TTLL5: variants seen among roughly 807,000 people sequenced by gnomAD.
TTLL5 encodes tubulin polyglutamylase TTLL5.
In TTLL5, 132 loss-of-function variants were observed where a neutral mutation model predicts 168.4. The observed-to-expected ratio is 0.78, with a 90% CI of 0.68 to 0.91. The LOEUF is 0.91. TTLL5 is among the 40% of genes least tolerant of loss of function. The pLI, the probability that TTLL5 is intolerant of heterozygous loss-of-function variation, is 0.00. For synonymous variants in TTLL5, 546 were observed against 558.6 expected (o/e 0.98, Z 0.32); for missense variants, 1,545 against 1,581.5 (o/e 0.98, Z 0.39).
intron 5 of TTLL5, among the ~76,000 whole-genome samples, chr14:75,685,981 C>G (rs1208202527): frequency 6.6e-6 from 1 of 152,130 alleles, no homozygotes; most frequent in East Asian, 1.9e-4. Context: ...TTAGGAAGTT[C>G]TCTAGGTGAT....
intron 31 of TTLL5, chr14:75,904,266 G>C (rs918530777): frequency 9.0e-7 from 1 of 1,111,734 alleles, no homozygotes; most frequent in Admixed American, 4.5e-5. Context: ...ATATTTTTAA[G>C]AAAGTAAACC....
rs148843544 is a variant in TTLL5 at position 75,882,705 on chromosome 14, A to T, written c.3543A>T (p.Thr1181=). ...ARHQAIFGSQ[T]LPNSNLWTMN... ...TGTAGGCAATCTTTGGCAGCCAGAC[A>T]CTACCTAACTCCAATTTATGGACAA... is the stretch of plus-strand genomic sequence containing the variant. Residue 1181 remains threonine, a synonymous_variant, in exon 30 of 32, where the codon ACA becomes ACT. Transcript: ENST00000298832. 1.4e-5 allele frequency: 22 copies of T among 1,610,998 alleles called. No individual in the cohort carries two copies. Among genetic ancestry groups the T allele is most frequent in the Non-Finnish European group, 1.9e-5 (22 of 1,178,592 alleles).
At chr14:75,715,302 C>T (rs1319929672) in intron 9 of TTLL5, among the ~76,000 whole-genome samples, 3 of 139,954 alleles carry the variant, frequency 2.1e-5, no homozygotes, top group Non-Finnish European at 4.6e-5. Flanking sequence ...TCACCATCTT[C>T]CTCATGTGGG....
chr14:75,942,643 A>G (rs1301963451), intron 31 of TTLL5, among the ~76,000 whole-genome samples: 4 of 152,208 alleles, frequency 2.6e-5, no homozygotes, highest in African/African-American at 9.7e-5. Flanking sequence ...CTTGGCTTCA[A>G]TGGTTCTTCA....
chr14:75,852,245 G>C (rs1896897772), intron 28 of TTLL5, among the ~76,000 whole-genome samples: 1 of 152,148 alleles, frequency 6.6e-6, no homozygotes, highest in South Asian at 2.1e-4. Context: ...AGAGTGCAAG[G>C]CCTCCTGAAT....
chr14:75,899,186 A>T (rs954219847), intron 30 of TTLL5, among the ~76,000 whole-genome samples: 8 of 152,378 alleles, frequency 5.3e-5, no homozygotes, highest in Non-Finnish European at 1.2e-4. Context: ...TCAAAAGCCT[A>T]TAAGGTAGGT....
At chr14:75,880,778 G>A (rs1323019668) in intron 29 of TTLL5, among the ~76,000 whole-genome samples, 1 of 152,180 alleles carries the variant, frequency 6.6e-6, no homozygotes, top group African/African-American at 2.4e-5. Flanking sequence ...TTGGTTCCTT[G>A]TCCTGAGGAG....
rs778068085 is a variant in TTLL5, at chr14:75,820,133, G to A, written c.3298G>A (p.Glu1100Lys). ...WSTQSDPQAP[E>K]NHSSSPGSRS... ...TACACAGTCAGACCCCCAAGCTCCC[G>A]AGAATCACTCCAGCTCTCCTGGAAG... The change falls in exon 28 of 32, where the codon GAG becomes AAG. Residue 1100 changes from glutamate to lysine, a missense_variant. Transcript: ENST00000298832. 16 of 1,598,900 alleles carry A rather than the reference G, an allele frequency of 1.0e-5. No individual in the cohort carries two copies. Among genetic ancestry groups the A allele is most frequent in the African/African-American group, 5.4e-5 (4 of 73,966 alleles).
At chr14:75,667,751 G>GTTTTTTTTTTTTTTTTTTTTTT (rs67181555) in intron 2 of TTLL5, among the ~76,000 whole-genome samples, 4 of 89,084 alleles carry the variant, frequency 4.5e-5, no homozygotes, top group African/African-American at 4.4e-5. Context: ...ATCTTTTTAT[G>GTTTTTTTTTTTTTTTTTTTTTT]TTTTTTTTTT....
chr14:75,723,957 C>T (rs1401193641), intron 12 of TTLL5, among the ~76,000 whole-genome samples: 1 of 151,474 alleles, frequency 6.6e-6, no homozygotes, highest in Admixed American at 6.6e-5. Context: ...GTATGAGTCT[C>T]TGCCTCCCAC....
chr14:75,895,291 A>T (rs752862529), intron 30 of TTLL5, among the ~76,000 whole-genome samples: 7 of 152,214 alleles, frequency 4.6e-5, no homozygotes, highest in African/African-American at 1.7e-4. Flanking sequence ...CTGAGCCCTG[A>T]AATTCATTTT....
chr14:75,849,967 G>A (rs944121683), intron 28 of TTLL5, among the ~76,000 whole-genome samples: 32 of 152,062 alleles, frequency 2.1e-4, no homozygotes, highest in Admixed American at 2.0e-3. Flanking sequence ...TTAGCTGGGC[G>A]TAGTAGTGTG....
intron 7 of TTLL5, among the ~76,000 whole-genome samples, chr14:75,700,563 A>C (rs902384987): frequency 1.3e-5 from 2 of 152,132 alleles, no homozygotes; most frequent in Non-Finnish European, 2.9e-5. Context: ...TGGAAAAATC[A>C]AGGGAGGAGA....
At chr14:75,842,038 C>A (rs927486809) in intron 28 of TTLL5, among the ~76,000 whole-genome samples, 1 of 152,166 alleles carries the variant, frequency 6.6e-6, no homozygotes, top group African/African-American at 2.4e-5. Flanking sequence ...AAGCACTAAG[C>A]CGTATCCTGA....
intron 31 of TTLL5, among the ~76,000 whole-genome samples, chr14:75,953,339 T>A (rs1175391178): frequency 6.6e-6 from 1 of 152,176 alleles, no homozygotes; most frequent in African/African-American, 2.4e-5. Context: ...TAAGATGGCA[T>A]TAGAGAGTTG....
At chr14:75,873,804 A>G (rs1188807913) in intron 29 of TTLL5, among the ~76,000 whole-genome samples, 1 of 152,164 alleles carries the variant, frequency 6.6e-6, no homozygotes, top group African/African-American at 2.4e-5. Context: ...TCTTATGTAT[A>G]ATTTTTAACC....
At chr14:75,717,294 T>C (rs1887532230) in intron 9 of TTLL5, among the ~76,000 whole-genome samples, 1 of 151,990 alleles carries the variant, frequency 6.6e-6, no homozygotes, top group South Asian at 2.1e-4. Context: ...TTTTAATTTT[T>C]TGTAGAGATA....
intron 27 of TTLL5, among the ~76,000 whole-genome samples, chr14:75,800,771 G>A (rs1228785133): frequency 6.6e-6 from 1 of 152,134 alleles, no homozygotes; most frequent in Non-Finnish European, 1.5e-5. Context: ...GAGCTGCTGG[G>A]CTCTGGGCTG....
intron 3 of TTLL5, among the ~76,000 whole-genome samples, chr14:75,673,565 C>T (rs1883908709): frequency 2.0e-5 from 3 of 152,130 alleles, no homozygotes; most frequent in African/African-American, 7.2e-5. Context: ...TTAGTAAAAT[C>T]TTAACCAGTT....
Sources: allele counts gnomAD v4.1 joint callset (sites outside exome capture counted in the v4.1 genomes callset), GRCh38; gene constraint gnomAD v4.1.1; transcripts MANE v1.5; gene names NCBI Gene and HGNC (gene_info 2026-07-23, HGNC 2026-07-21).